HS3ST4: variants seen among roughly 807,000 people sequenced by gnomAD.
The protein encoded by HS3ST4 is heparan sulfate glucosamine 3-O-sulfotransferase 4.
In HS3ST4, 17 loss-of-function variants were observed where a neutral mutation model predicts 29.2. The observed-to-expected ratio is 0.58, with a 90% confidence interval of 0.40 to 0.87. The LOEUF is 0.87. HS3ST4 is among the 40% of genes least tolerant of loss of function. The pLI is 0.00. For missense variants in HS3ST4, 627 were observed against 634.5 expected (o/e 0.99, Z 0.13); for synonymous variants, 314 against 285.7 (o/e 1.10, Z -1.00).
intron 1 of HS3ST4, among the ~76,000 whole-genome samples, chr16:26,107,797 A>G (rs1056042175): frequency 6.6e-6 from 1 of 152,134 alleles, no homozygotes; most frequent in African/African-American, 2.4e-5. Context: ...ATCGGTTGAT[A>G]GGCTCTTAGG....
intron 1 of HS3ST4, among the ~76,000 whole-genome samples, chr16:26,077,429 T>G (rs970924774): frequency 1.3e-5 from 2 of 152,228 alleles, no homozygotes; most frequent in Non-Finnish European, 2.9e-5. Flanking sequence ...TCTGCCCCTG[T>G]CTTTCAGCTC....
chr16:25,944,960 TAA>T (rs1968611112), intron 1 of HS3ST4, among the ~76,000 whole-genome samples: 1 of 152,166 alleles, frequency 6.6e-6, no homozygotes, highest in Non-Finnish European at 1.5e-5. Flanking sequence ...AACTCGACTT[TAA>T]AAAATTCTTT....
At chr16:25,851,876 G>GA (rs10636737) in intron 1 of HS3ST4, among the ~76,000 whole-genome samples, 1 of 152,138 alleles carries the variant, frequency 6.6e-6, no homozygotes, top group Admixed American at 6.5e-5. Context: ...CGACACTTTC[G>GA]AAGTTATTAA....
chr16:26,067,481 C>G (rs1898555856), intron 1 of HS3ST4, among the ~76,000 whole-genome samples: 1 of 151,980 alleles, frequency 6.6e-6, no homozygotes, highest in Admixed American at 6.6e-5. Flanking sequence ...AGTTTGTGAC[C>G]CTAAGTATAG....
Position 26,005,988 on chromosome 16 carries a change from A to T in HS3ST4, c.735-129624A>T, listed in dbSNP as rs183711047. Among the ~76,000 whole-genome samples the T allele has an allele frequency of 1.7e-4, 26 of 152,288 alleles. No homozygotes were observed. The East Asian group carries it at 4.8e-3, about 28-fold the overall frequency. ...TTTAGAGGAAAATCACAACTGGTTG[A>T]GAATCACTGGGTTAAATGAGGCTCA... On this transcript the variant is annotated intron_variant, in intron 1 of 1. Transcript: ENST00000331351.
chr16:25,806,182 T>TA (rs1425386428), intron 1 of HS3ST4, among the ~76,000 whole-genome samples: 11 of 152,334 alleles, frequency 7.2e-5, no homozygotes, highest in Admixed American at 2.6e-4. Context: ...TCCAAATACT[T>TA]ACCTCTGCAG....
intron 1 of HS3ST4, among the ~76,000 whole-genome samples, chr16:26,037,029 A>G (rs142737867): frequency 6.6e-6 from 1 of 152,094 alleles, no homozygotes; most frequent in East Asian, 1.9e-4. Context: ...ATTAATAAGA[A>G]CCCTCCCATT....
At chr16:25,866,951 C>G (rs1399267537) in intron 1 of HS3ST4, among the ~76,000 whole-genome samples, 4 of 152,164 alleles carry the variant, frequency 2.6e-5, no homozygotes. Context: ...ATCTCTATTT[C>G]ACGGGCCTCT....
chr16:26,105,291 G>A (rs2141799208), intron 1 of HS3ST4, among the ~76,000 whole-genome samples: 1 of 152,230 alleles, frequency 6.6e-6, no homozygotes, highest in East Asian at 1.9e-4. Context: ...TGGGAGCTAA[G>A]CATTGAGTAA....
intron 1 of HS3ST4, among the ~76,000 whole-genome samples, chr16:26,086,869 T>G (rs1898795849): frequency 6.6e-6 from 1 of 152,186 alleles, no homozygotes; most frequent in Non-Finnish European, 1.5e-5. Flanking sequence ...AACCTGATCT[T>G]GATTTTGTTG....
chr16:26,002,082 A>G (rs1358747222), intron 1 of HS3ST4, among the ~76,000 whole-genome samples: 1 of 152,146 alleles, frequency 6.6e-6, no homozygotes, highest in African/African-American at 2.4e-5. Flanking sequence ...GAGGAGGTGA[A>G]TAGGGAACTC....
intron 1 of HS3ST4, among the ~76,000 whole-genome samples, chr16:26,005,948 A>T (rs1015157611): frequency 6.6e-6 from 1 of 152,292 alleles, no homozygotes; most frequent in South Asian, 2.1e-4. Flanking sequence ...GTTTCCAAAC[A>T]TCCCCAAATG....
intron 1 of HS3ST4, among the ~76,000 whole-genome samples, chr16:26,055,314 G>C (rs1898393958): frequency 6.6e-6 from 1 of 152,120 alleles, no homozygotes; most frequent in Non-Finnish European, 1.5e-5. Flanking sequence ...TCAGTTTTCA[G>C]CTAGGAGGAT....
intron 1 of HS3ST4, among the ~76,000 whole-genome samples, chr16:25,994,571 A>G (rs1484186137): frequency 6.6e-6 from 1 of 152,146 alleles, no homozygotes; most frequent in Non-Finnish European, 1.5e-5. Context: ...TTATTTTTTA[A>G]GAAGTATTTA....
chr16:25,913,118 G>A (rs771362206), intron 1 of HS3ST4, among the ~76,000 whole-genome samples: 14 of 152,326 alleles, frequency 9.2e-5, no homozygotes, highest in South Asian at 2.1e-4. Flanking sequence ...CTTGGGATCC[G>A]TAGAAAGGCA....
intron 1 of HS3ST4, among the ~76,000 whole-genome samples, chr16:26,115,745 A>G (rs1186824965): frequency 6.6e-6 from 1 of 152,022 alleles, no homozygotes; most frequent in Non-Finnish European, 1.5e-5. Context: ...GGGACAAAAC[A>G]TTCTATAGAC....
chr16:26,029,950 C>G (rs1342338955), intron 1 of HS3ST4, among the ~76,000 whole-genome samples: 1 of 152,214 alleles, frequency 6.6e-6, no homozygotes, highest in Admixed American at 6.5e-5. Context: ...CTGAAAAACA[C>G]CCGTCCCCTG....
At position 26,065,751 on chromosome 16, in the gene HS3ST4, T is replaced by C. The variant is rs150041618; in HGVS notation, c.735-69861T>C. ...AAAATGATGTGCATGAATTTCAACA[T>C]TTATTGAGAGTTCTTAGTTTCTAAG... On this transcript the variant is annotated intron_variant, in intron 1 of 1. Coordinates refer to ENST00000331351, the MANE Select transcript of HS3ST4 (RefSeq NM_006040.3). Among the ~76,000 whole-genome samples, 675 of 152,304 alleles carry C rather than the reference T, an allele frequency of 4.4e-3. 5 individuals are homozygous for C. Among genetic ancestry groups the C allele is most frequent in the African/African-American group, 0.016 (653 of 41,554 alleles).
chr16:25,881,528 G>A (rs1439360115), intron 1 of HS3ST4, among the ~76,000 whole-genome samples: 1 of 152,184 alleles, frequency 6.6e-6, no homozygotes, highest in Non-Finnish European at 1.5e-5. Context: ...ACATTCAAAA[G>A]GGGTTGAGAG....
Sources: gnomAD v4.1 joint callset for allele counts (sites outside exome capture counted in the v4.1 genomes callset) on GRCh38, gnomAD v4.1.1 for gene constraint, MANE v1.5 for transcripts, NCBI Gene and HGNC (gene_info 2026-07-23, HGNC 2026-07-21) for gene names.